The following R3HDM1 variants were observed in gnomAD, a reference collection of about 807,000 sequenced individuals.
R3HDM1 encodes R3H domain containing 1.
R3HDM1 carries 46 observed loss-of-function variants against 141.1 expected under a neutral mutation model. That is an observed-to-expected ratio of 0.33 (90% CI 0.26 to 0.42). The LOEUF (loss-of-function observed/expected upper bound fraction) is 0.42, where lower values mean the gene tolerates loss of function less well. Ranked by LOEUF, R3HDM1 falls within the 10% of genes least tolerant of loss-of-function variation. The pLI is 1.00. For missense variants in R3HDM1, 1,184 were observed against 1,368.3 expected (o/e 0.87, Z 2.12); for synonymous variants, 435 against 472.9 (o/e 0.92, Z 1.04).
intron 1 of R3HDM1, among the ~76,000 whole-genome samples, chr2:135,595,228 T>C (rs566212081): frequency 1.3e-5 from 2 of 152,308 alleles, no homozygotes; most frequent in African/African-American, 4.8e-5. Flanking sequence ...CAGATATATT[T>C]CCTATATTTA....
rs1179223190 is a variant in R3HDM1 at position 135,604,866 on chromosome 2, T to G, written c.21T>G (p.Val7=). 6.2e-7 allele frequency: 1 copy of G among 1,612,210 alleles called. No homozygotes were observed. The highest frequency in any genetic ancestry group is 2.2e-5 in the East Asian group (1 of 44,786). MRMSDT[V]TVKDETATMK... Reference sequence around the variant, plus strand: ...TTCTAATGAGGATGTCTGATACTGTTACTGTAAAAGATGAAACTGCAACAA... The same window carrying G: ...TTCTAATGAGGATGTCTGATACTGTGACTGTAAAAGATGAAACTGCAACAA... Residue 7 remains valine (V), a synonymous_variant, in exon 3 of 27, where the codon GTT becomes GTG. Coordinates refer to ENST00000683871, the MANE Select transcript of R3HDM1 (RefSeq NM_001378107.1).
intron 5 of R3HDM1, among the ~76,000 whole-genome samples, chr2:135,619,123 C>A (rs1403059822): frequency 6.6e-6 from 1 of 151,546 alleles, no homozygotes; most frequent in Non-Finnish European, 1.5e-5. Context: ...AAATTCATTT[C>A]TTTGTTCTGT....
At chr2:135,532,446 G>A (rs1265141230) in intron 1 of R3HDM1, among the ~76,000 whole-genome samples, 1 of 152,006 alleles carries the variant, frequency 6.6e-6, no homozygotes, top group East Asian at 1.9e-4. Context: ...TAAATTATTG[G>A]GACTATCATG....
rs2064971149 is a variant in R3HDM1, at chr2:135,649,962, TC to T, written c.1688del (p.Pro563ArgfsTer17). ...TCAGTACTCTACAGCCCCTTACCCA[TC>T]CCCGTTCCTGCCAGTCTCACCCACC... ...PVQYSTAPYP[S>X]PFLPVSPTQQ... is the part of the protein sequence containing the mutation. On this transcript the variant is annotated frameshift_variant, in exon 17 of 27. Coordinates refer to ENST00000683871, the MANE Select transcript of R3HDM1 (RefSeq NM_001378107.1). LOFTEE classifies it high-confidence loss of function. 7.7e-7 allele frequency: 1 copy of T among 1,294,702 alleles called. No homozygotes were observed. The highest frequency in any genetic ancestry group is 1.0e-6 in the Non-Finnish European group (1 of 984,336). 80.2% of individuals were successfully genotyped at this position (1,294,702 alleles called of 1,614,324 possible).
intron 1 of R3HDM1, among the ~76,000 whole-genome samples, chr2:135,594,981 C>A (rs1267660222): frequency 6.6e-6 from 1 of 151,442 alleles, no homozygotes; most frequent in Non-Finnish European, 1.5e-5. Context: ...TTCTACACCC[C>A]CCCCCCTTTT....
rs556447196 is a variant in R3HDM1, at chr2:135,690,839, T to C, written c.2459+10515T>C. ...GTTAAAGGAGAAGGGAAGAGGGTGC[T>C]TTAGCTATTTCATTTTTGTGAACTC... On this transcript the variant is annotated intron_variant, in intron 21 of 26. Transcript: ENST00000683871. 2.0e-5 allele frequency among the ~76,000 whole-genome samples: 3 copies of C among 152,288 alleles called. No individual in the cohort carries two copies. The East Asian group carries it at 5.8e-4, about 29-fold the overall frequency.
In R3HDM1 at chr2:135,621,573, C is replaced by A; in HGVS notation, c.383C>A (p.Ala128Asp). The change falls in exon 6 of 27, where the codon GCC becomes GAC. Residue 128 changes from alanine to aspartate, a missense_variant. By Grantham distance (126) the Ala-to-Asp change is moderately radical. Coordinates refer to ENST00000683871, the MANE Select transcript of R3HDM1 (RefSeq NM_001378107.1). ...PSKDEAEKEKASDKLPRKMLS... is the reference protein window; with the variant it reads ...PSKDEAEKEKDSDKLPRKMLS... ...AAAGATGAAGCAGAAAAAGAAAAGG[C>A]CAGTGATAAGTTGCCCAGAAAAATG... 6.3e-7 allele frequency: 1 copy of A among 1,596,910 alleles called. No homozygotes were observed.
chr2:135,532,447 G>A (rs1488447504), intron 1 of R3HDM1, among the ~76,000 whole-genome samples: 2 of 152,102 alleles, frequency 1.3e-5, no homozygotes, highest in East Asian at 1.9e-4. Context: ...AAATTATTGG[G>A]ACTATCATGC....
At chr2:135,582,626 G>A (rs1417441053) in intron 1 of R3HDM1, among the ~76,000 whole-genome samples, 1 of 152,134 alleles carries the variant, frequency 6.6e-6, no homozygotes, top group East Asian at 1.9e-4. Flanking sequence ...CCCACACTGC[G>A]TGGTATGGAG....
intron 3 of R3HDM1, chr2:135,608,000 T>C (rs1306212455): frequency 2.1e-6 from 2 of 970,156 alleles, no homozygotes; most frequent in African/African-American, 1.8e-5. Flanking sequence ...ATATTCATTG[T>C]TTATTGAAGT....
chr2:135,654,971 G>T (rs1574748359), intron 18 of R3HDM1, among the ~76,000 whole-genome samples: 1 of 151,762 alleles, frequency 6.6e-6, no homozygotes, highest in Non-Finnish European at 1.5e-5. Flanking sequence ...TCAGATAAGT[G>T]ATATGCAATT....
At position 135,650,011 on chromosome 2, in the gene R3HDM1, ATC is replaced by A; in HGVS notation, c.1725+12_1725+13del. Reference sequence around the variant, plus strand: ...ACCCAGCAATACTCTGTGGTACTATATCTCTATTCACCTCCTGCGTTGTTTCT... The same window carrying A: ...ACCCAGCAATACTCTGTGGTACTATATCTATTCACCTCCTGCGTTGTTTCT... On this transcript the variant is annotated intron_variant, in intron 17 of 26. Transcript: ENST00000683871. The A allele has an allele frequency of 8.0e-7, 1 of 1,251,786 alleles. No homozygotes were observed. Among genetic ancestry groups the A allele is most frequent in the Non-Finnish European group, 1.0e-6 (1 of 961,410 alleles). 77.5% of individuals were successfully genotyped at this position (1,251,786 alleles called of 1,614,324 possible). A position where few individuals can be genotyped will look rare whatever the true frequency, so the allele number is the denominator to read the frequency against.
intron 19 of R3HDM1, among the ~76,000 whole-genome samples, chr2:135,670,777 GC>G (rs1221447773): frequency 6.6e-6 from 1 of 151,740 alleles, no homozygotes; most frequent in Non-Finnish European, 1.5e-5. Flanking sequence ...AAATATTCAG[GC>G]CAGGTGCCGT....
chr2:135,565,184 T>C (rs1373358610), intron 1 of R3HDM1, among the ~76,000 whole-genome samples: 2 of 152,180 alleles, frequency 1.3e-5, no homozygotes, highest in African/African-American at 4.8e-5. Context: ...AAAGATATAT[T>C]CAGTATAAGG....
intron 1 of R3HDM1, chr2:135,584,060 G>A (rs913074389): frequency 1.0e-6 from 1 of 984,910 alleles, no homozygotes; most frequent in Non-Finnish European, 1.2e-6. Flanking sequence ...GGGCATGGTG[G>A]CTCACACCTG....
intron 7 of R3HDM1, 80 bp from the exon 8 acceptor site, chr2:135,631,638 G>C: frequency 8.3e-7 from 1 of 1,207,322 alleles, no homozygotes. Context: ...AAATTTAGCT[G>C]TATAAATCAT....
intron 26 of R3HDM1, among the ~76,000 whole-genome samples, chr2:135,722,843 A>G (rs916042929): frequency 2.0e-5 from 3 of 152,116 alleles, no homozygotes; most frequent in Admixed American, 6.6e-5. Flanking sequence ...TCTTTGAGAA[A>G]GGGTTTGTCC....
intron 1 of R3HDM1, among the ~76,000 whole-genome samples, chr2:135,570,449 G>A (rs181056613): frequency 4.0e-4 from 61 of 152,326 alleles, no homozygotes; most frequent in Non-Finnish European, 7.3e-5. Flanking sequence ...CTGTGTTACA[G>A]TTACCTTCAG....
chr2:135,634,340 A>G (rs1457757151), intron 9 of R3HDM1, among the ~76,000 whole-genome samples: 1 of 152,178 alleles, frequency 6.6e-6, no homozygotes, highest in Non-Finnish European at 1.5e-5. Context: ...AATGTTCAAA[A>G]GTATTACTTC....
Sources: gnomAD v4.1 joint callset for allele counts (sites outside exome capture counted in the v4.1 genomes callset) on GRCh38, gnomAD v4.1.1 for gene constraint, MANE v1.5 for transcripts, NCBI Gene and HGNC (gene_info 2026-07-23, HGNC 2026-07-21) for gene names.